The following DNAH9 variants were observed in gnomAD, a reference collection of about 807,000 sequenced individuals.
DNAH9 encodes DNAH9 variant protein.
In DNAH9, 345 loss-of-function variants were observed where a neutral mutation model predicts 471.6. The observed-to-expected ratio is 0.73, with a 90% CI of 0.67 to 0.80. The LOEUF (loss-of-function observed/expected upper bound fraction) is 0.80, where lower values mean the gene tolerates loss of function less well. DNAH9 is among the 30% of genes least tolerant of loss of function. The pLI is 0.00. For missense variants in DNAH9, 5,407 were observed against 5,609.2 expected, an observed-to-expected ratio of 0.96 and a Z score of 1.15; for synonymous variants, 2,093 against 2,123.6, an observed-to-expected ratio of 0.99 and a Z score of 0.40.
In DNAH9 at chr17:11,652,831, A is replaced by C; in HGVS notation, c.2424A>C (p.Lys808Asn). The C allele has an allele frequency of 6.2e-7, 1 of 1,613,990 alleles. No individual in the cohort carries two copies. The highest frequency in any genetic ancestry group is 8.5e-7 in the Non-Finnish European group (1 of 1,179,822). The change falls in exon 14 of 69, where the codon AAA becomes AAC. Residue 808 changes from lysine to asparagine, a missense_variant. Physicochemically the swap from Lys to Asn is moderately conservative, Grantham distance 94 (BLOSUM62 0). This residue lies in a region of DNAH9 where 4,636 missense variants were observed against 4,900.3 expected (regional missense o/e 0.95). Coordinates refer to ENST00000262442, the MANE Select transcript of DNAH9 (RefSeq NM_001372.4). ...TTGAACAAAGAATTCAGAAAACTAA[A>C]GACAATGTGGAAGAGATCCAAAACA... ...HDLEQRIQKTKDNVEEIQNIM... is the reference protein window; with the variant it reads ...HDLEQRIQKTNDNVEEIQNIM...
At chr17:11,673,901 T>A (rs2074010294) in intron 17 of DNAH9, among the ~76,000 whole-genome samples, 1 of 152,230 alleles carries the variant, frequency 6.6e-6, no homozygotes, top group Admixed American at 6.5e-5. Flanking sequence ...TGTATACATA[T>A]GTATATGCAT....
chr17:11,679,184 T>C (rs192427591), intron 17 of DNAH9, among the ~76,000 whole-genome samples: 88 of 152,346 alleles, frequency 5.8e-4, no homozygotes, highest in Middle Eastern at 6.8e-3. Context: ...TAAAAATGTT[T>C]GTTTCTTCCT....
chr17:11,878,848 A>AT (rs1972609968), intron 53 of DNAH9, among the ~76,000 whole-genome samples: 1 of 152,158 alleles, frequency 6.6e-6, no homozygotes, highest in Admixed American at 6.5e-5. Context: ...GGTTACAGGC[A>AT]TGAGCCACCA....
chr17:11,658,354 C>T (rs1022658750), intron 14 of DNAH9, among the ~76,000 whole-genome samples: 1 of 152,090 alleles, frequency 6.6e-6, no homozygotes, highest in African/African-American at 2.4e-5. Flanking sequence ...TTGATTTTTA[C>T]ATTTTGATAT....
intron 26 of DNAH9, among the ~76,000 whole-genome samples, chr17:11,713,206 A>G (rs1329148553): frequency 2.0e-5 from 3 of 152,158 alleles, no homozygotes; most frequent in African/African-American, 4.8e-5. Context: ...CTCCAACTCC[A>G]TCCATGTTCC....
chr17:11,831,771 G>T (rs2150950916), intron 48 of DNAH9, among the ~76,000 whole-genome samples: 1 of 152,278 alleles, frequency 6.6e-6, no homozygotes, highest in East Asian at 1.9e-4. Context: ...CTGGAGCACT[G>T]CAGAAACATC....
In DNAH9 at chr17:11,881,308, G is replaced by C; in HGVS notation, c.10701G>C (p.Gln3567His). 1 of 1,614,122 alleles carries C rather than the reference G, an allele frequency of 6.2e-7. No homozygotes were observed. Among genetic ancestry groups the C allele is most frequent in the Non-Finnish European group, 8.5e-7 (1 of 1,179,978 alleles). ...ATCCTCACTACCAGCCTGAGCTGCAGGCTCAGGCCACCCTGATCAACTTCA... is the reference window on the plus strand; with the variant it reads ...ATCCTCACTACCAGCCTGAGCTGCACGCTCAGGCCACCCTGATCAACTTCA... ...LANPHYQPEL[Q>H]AQATLINFTV... is the part of the protein sequence containing the mutation. The change falls in exon 55 of 69, where the codon CAG becomes CAC. Residue 3567 changes from glutamine to histidine, a missense_variant. Transcript: ENST00000262442.
At chr17:11,766,290 G>A (rs1342743119) in intron 36 of DNAH9, among the ~76,000 whole-genome samples, 5 of 148,140 alleles carry the variant, frequency 3.4e-5, no homozygotes, top group Non-Finnish European at 5.9e-5. Flanking sequence ...CTATACCTGA[G>A]TAGAAGTTCC....
At chr17:11,667,295 C>CTT (rs34706769) in intron 15 of DNAH9, among the ~76,000 whole-genome samples, 51,118 of 151,938 alleles carry the variant, frequency 0.34, 8,792 homozygotes, top group Middle Eastern at 0.42. Context: ...ATTTTATAAA[C>CTT]ATAGTAGTTT....
intron 1 of DNAH9, among the ~76,000 whole-genome samples, chr17:11,601,034 G>C (rs2072374922): frequency 6.6e-6 from 1 of 152,146 alleles, no homozygotes; most frequent in African/African-American, 2.4e-5. Context: ...CATCATATAA[G>C]TGGAATCATG....
chr17:11,851,783 T>C (rs1464902664), intron 49 of DNAH9, among the ~76,000 whole-genome samples: 3 of 152,088 alleles, frequency 2.0e-5, no homozygotes, highest in African/African-American at 4.8e-5. Flanking sequence ...GTGTACTTCA[T>C]CTAGGGTTTC....
At chr17:11,645,010 ACT>A (rs2073354255) in intron 11 of DNAH9, among the ~76,000 whole-genome samples, 1 of 152,240 alleles carries the variant, frequency 6.6e-6, no homozygotes, top group Non-Finnish European at 1.5e-5. Flanking sequence ...ACAGCTGCTT[ACT>A]CAGCAGAAAG....
chr17:11,843,322 T>C (rs946898044), intron 49 of DNAH9, among the ~76,000 whole-genome samples: 14 of 152,160 alleles, frequency 9.2e-5, no homozygotes, highest in African/African-American at 3.4e-4. Context: ...ATGCAATACC[T>C]TTCCTAATAT....
intron 45 of DNAH9, among the ~76,000 whole-genome samples, chr17:11,817,813 C>T (rs1039228872): frequency 5.3e-5 from 8 of 152,064 alleles, no homozygotes; most frequent in Admixed American, 1.3e-4. Context: ...TTAACTATCT[C>T]AAAGAATAGA....
intron 28 of DNAH9, among the ~76,000 whole-genome samples, chr17:11,736,575 A>G (rs2075351002): frequency 6.6e-6 from 1 of 152,194 alleles, no homozygotes; most frequent in African/African-American, 2.4e-5. Flanking sequence ...GTTATGTTCC[A>G]GTGATTTGCT....
In DNAH9 at chr17:11,745,044, T is replaced by C. The variant is rs1043253440; in HGVS notation, c.6359T>C (p.Val2120Ala). 1 of 1,614,004 alleles carries C rather than the reference T, an allele frequency of 6.2e-7. No individual in the cohort carries two copies. The highest frequency in any genetic ancestry group is 1.3e-5 in the African/African-American group (1 of 74,930). The change falls in exon 31 of 69, where the codon GTG (valine) becomes GCG (alanine). Residue 2120 changes from valine (V) to alanine (A), a missense_variant. Around this residue, in one of 3 missense-constraint regions of DNAH9, gnomAD observed 4,636 missense variants for 4,900.3 expected, o/e 0.95. Transcript: ENST00000262442. ...GAAGCTTTGGTTAGGAAGGCGATAG[T>C]GGATCTGAAGCTCCAGGCTGAGGAC... ...NFEALVRKAI[V>A]DLKLQAEDNF... is the part of the protein sequence containing the mutation.
At chr17:11,903,774 G>A (rs1973492491) in intron 60 of DNAH9, among the ~76,000 whole-genome samples, 1 of 152,100 alleles carries the variant, frequency 6.6e-6, no homozygotes, top group Admixed American at 6.5e-5. Context: ...AGCTGGGCGT[G>A]GTGGCGCATT....
chr17:11,815,093 C>A (rs1970050104), intron 45 of DNAH9, among the ~76,000 whole-genome samples: 1 of 152,142 alleles, frequency 6.6e-6, no homozygotes, highest in East Asian at 1.9e-4. Flanking sequence ...GAACTTTAAA[C>A]CAGGACCGGT....
chr17:11,620,607 C>G (rs1479256225), intron 6 of DNAH9, among the ~76,000 whole-genome samples: 2 of 151,926 alleles, frequency 1.3e-5, no homozygotes, highest in East Asian at 3.9e-4. Context: ...TTTAGGAAAT[C>G]CTGATCATAG....
Sources: gnomAD v4.1 joint callset for allele counts (sites outside exome capture counted in the v4.1 genomes callset) on GRCh38, gnomAD v4.1.1 for gene constraint, gnomAD v4.1.1 regional missense constraint, MANE v1.5 for transcripts, NCBI Gene and HGNC (gene_info 2026-07-23, HGNC 2026-07-21) for gene names.